ZNF652: variants seen among roughly 807,000 people sequenced by gnomAD.
ZNF652 encodes the protein zinc finger protein 652.
A neutral mutation model predicts 45.2 loss-of-function variants in ZNF652; 16 were observed. The observed-to-expected ratio is 0.35, with a 90% CI of 0.24 to 0.54. The LOEUF (loss-of-function observed/expected upper bound fraction) is 0.54, where lower values mean the gene tolerates loss of function less well. ZNF652 is among the 20% of genes least tolerant of loss of function. The pLI is 0.91. For synonymous variants in ZNF652, 250 were observed against 260.6 expected, an observed-to-expected ratio of 0.96 and a Z score of 0.39; for missense variants, 614 against 765.6, an observed-to-expected ratio of 0.80 and a Z score of 2.34.
chr17:49,307,738 C>A (rs1035176529), intron 5 of ZNF652, among the ~76,000 whole-genome samples: 7 of 151,962 alleles, frequency 4.6e-5, no homozygotes, highest in South Asian at 2.1e-4. Flanking sequence ...GGCAACAGAG[C>A]GAGACTCCAT....
chr17:49,319,447 A>C (rs1175932150), intron 1 of ZNF652, among the ~76,000 whole-genome samples: 1 of 151,952 alleles, frequency 6.6e-6, no homozygotes, highest in Admixed American at 6.6e-5. Context: ...ATCCTGGCCA[A>C]CGTGGTGAAA....
At chr17:49,326,241 T>TA (rs56916451) in intron 1 of ZNF652, among the ~76,000 whole-genome samples, 11,873 of 93,902 alleles carry the variant, frequency 0.13, 843 homozygotes, top group Middle Eastern at 0.24. Flanking sequence ...ACCCCATCTC[T>TA]AAAAAAAAAA....
At chr17:49,309,370 T>TG (rs1182824133) in intron 5 of ZNF652, among the ~76,000 whole-genome samples, 1 of 140,360 alleles carries the variant, frequency 7.1e-6, no homozygotes, top group Non-Finnish European at 1.5e-5. Context: ...TAGCCAGGCA[T>TG]GGTGGTGAAC....
chr17:49,349,384 G>A (rs962773209), intron 1 of ZNF652, among the ~76,000 whole-genome samples: 5 of 152,052 alleles, frequency 3.3e-5, no homozygotes, highest in African/African-American at 9.7e-5. Context: ...GGGAAACAGT[G>A]CAAAATTCCA....
rs1336247275 is a variant in ZNF652 at position 49,336,613 on chromosome 17, C to T, written c.-258-18630G>A. ...CAAAGTGCTGGGATTACGTGAGCCA[C>T]GGTGCCCGGCCTTTTACTTTTTTTT... On this transcript the variant is annotated intron_variant, in intron 1 of 5. Transcript: ENST00000430262. Among the ~76,000 whole-genome samples the T allele has an allele frequency of 4.0e-5, 6 of 151,298 alleles. No homozygotes were observed. The East Asian group carries it at 5.8e-4, about 15-fold the overall frequency.
intron 1 of ZNF652, among the ~76,000 whole-genome samples, chr17:49,335,561 C>G (rs1042680052): frequency 1.3e-5 from 2 of 152,050 alleles, no homozygotes; most frequent in African/African-American, 4.8e-5. Context: ...CATGTTCTCT[C>G]TTATTATTAA....
chr17:49,329,565 CAG>C (rs1191906993), intron 1 of ZNF652, among the ~76,000 whole-genome samples: 12 of 152,178 alleles, frequency 7.9e-5, no homozygotes, highest in Non-Finnish European at 1.8e-4. Context: ...GGTCAAGAAA[CAG>C]AACTACAGTC....
chr17:49,306,837 C>T (rs191703311), intron 5 of ZNF652, among the ~76,000 whole-genome samples: 1 of 152,272 alleles, frequency 6.6e-6, no homozygotes, highest in African/African-American at 2.4e-5. Context: ...ACTGCAACCT[C>T]CCTGTCGTGG....
At chr17:49,350,998 TATATATATATATATATACACACACAC>T (rs1567700167) in intron 1 of ZNF652, among the ~76,000 whole-genome samples, 7 of 22,584 alleles carry the variant, frequency 3.1e-4, no homozygotes, top group African/African-American at 1.1e-3. Flanking sequence ...TATATATATA[TATATATATATATATATACACACACAC>T]ACACACACAC....
intron 1 of ZNF652, among the ~76,000 whole-genome samples, chr17:49,354,819 A>C (rs1172797889): frequency 1.3e-5 from 2 of 151,894 alleles, no homozygotes; most frequent in Non-Finnish European, 2.9e-5. Context: ...TCCACCTCCC[A>C]GGTTCAAGCG....
Position 49,295,430 on chromosome 17 carries a change from A to G in ZNF652, c.*2983T>C, listed in dbSNP as rs8074109. On this transcript the variant is annotated 3_prime_UTR_variant, in exon 6 of 6. Transcript: ENST00000430262. ...ATTTTTAAAAATAATATATATATAT[A>G]TTTTTGTTTCTGTTAAGGATGGTGG... The G allele has an allele frequency of 2.2e-5, 3 of 137,422 alleles. No homozygotes were observed. Among genetic ancestry groups the G allele is most frequent in the Non-Finnish European group, 4.9e-5 (3 of 60,612 alleles). The allele number at this position is 137,422 out of a possible 1,614,324, so 8.5% of individuals were successfully genotyped here. A position where few individuals can be genotyped will look rare whatever the true frequency, so the allele number is the denominator to read the frequency against.
chr17:49,356,138 T>C (rs530414959), intron 1 of ZNF652, among the ~76,000 whole-genome samples: 2 of 151,824 alleles, frequency 1.3e-5, no homozygotes, highest in South Asian at 4.2e-4. Flanking sequence ...TAAAATGTGA[T>C]ATTACAGGGC....
chr17:49,345,616 CCGA>C (rs1243153655), intron 1 of ZNF652, among the ~76,000 whole-genome samples: 1 of 149,900 alleles, frequency 6.7e-6, no homozygotes, highest in Non-Finnish European at 1.5e-5. Context: ...CTGAGGTGGG[CCGA>C]TCACGAGGTC....
chr17:49,357,858 C>G (rs138638964), intron 1 of ZNF652, among the ~76,000 whole-genome samples: 87 of 152,312 alleles, frequency 5.7e-4, no homozygotes, highest in African/African-American at 1.9e-3. Context: ...CATAGAGCAA[C>G]AAATCAAAGT....
At chr17:49,310,770 C>T (rs758525019) in intron 5 of ZNF652, among the ~76,000 whole-genome samples, 17 of 152,138 alleles carry the variant, frequency 1.1e-4, no homozygotes, top group South Asian at 6.2e-4. Context: ...GGTATGGTGG[C>T]GCACACCTGT....
In ZNF652 at chr17:49,317,475, G is replaced by C. The variant is rs1456620818; in HGVS notation, c.251C>G (p.Thr84Arg). The C allele has an allele frequency of 6.2e-7, 1 of 1,613,968 alleles. No homozygotes were observed. Among genetic ancestry groups the C allele is most frequent in the African/African-American group, 1.3e-5 (1 of 74,886 alleles). Residue 84 changes from threonine (T) to arginine (R), a missense_variant, in exon 2 of 6, where the codon ACA becomes AGA. Physicochemically the swap from Thr to Arg is moderately conservative, Grantham distance 71. Transcript: ENST00000430262. Reference sequence around the variant, plus strand: ...AGCATGCACGTCAGACACTGCTCTTGTCTCCCTGAAATATGGCTGTTCTTC... The same window carrying C: ...AGCATGCACGTCAGACACTGCTCTTCTCTCCCTGAAATATGGCTGTTCTTC... The part of the protein sequence containing the change: ...ETEEQPYFRE[T>R]RAVSDVHAVK...
In ZNF652 at chr17:49,298,586, G is replaced by C. The variant is rs986952849; in HGVS notation, c.1648C>G (p.Leu550Val). The change falls in exon 6 of 6, where the codon CTG (leucine) becomes GTG (valine). Residue 550 changes from leucine (L) to valine (V), a missense_variant. Leu to Val is a conservative substitution (Grantham distance 32, BLOSUM62 1). Coordinates refer to ENST00000430262, the MANE Select transcript of ZNF652 (RefSeq NM_001145365.3). ...TGGTGAGGGTGTGGGTGGATGTGCA[G>C]GTGTGAGAAGGGGTGGGGGATGGGC... is the stretch of plus-strand genomic sequence containing the variant. Reference protein sequence around the residue: ...PRPIPHPFSHLHIHPHPHHPH... With the variant: ...PRPIPHPFSHVHIHPHPHHPH... 6.2e-7 allele frequency: 1 copy of C among 1,612,294 alleles called. No individual in the cohort carries two copies. Among genetic ancestry groups the C allele is most frequent in the Non-Finnish European group, 8.5e-7 (1 of 1,179,282 alleles).
At chr17:49,324,318 G>A (rs544312958) in intron 1 of ZNF652, among the ~76,000 whole-genome samples, 20 of 152,348 alleles carry the variant, frequency 1.3e-4, no homozygotes, top group African/African-American at 4.6e-4. Context: ...CTAAAGGAAT[G>A]TTGTGTTTGG....
At chr17:49,350,965 GTC>G (rs1567699994) in intron 1 of ZNF652, among the ~76,000 whole-genome samples, 1 of 58,106 alleles carries the variant, frequency 1.7e-5, no homozygotes, top group East Asian at 4.3e-4. Flanking sequence ...GCAAGACTCT[GTC>G]TACATATATA....
Sources: allele counts gnomAD v4.1 joint callset (sites outside exome capture counted in the v4.1 genomes callset), GRCh38; gene constraint gnomAD v4.1.1; transcripts MANE v1.5; gene names NCBI Gene and HGNC (gene_info 2026-07-23, HGNC 2026-07-21).